SDC2: variants seen among roughly 807,000 people sequenced by gnomAD.
SDC2 encodes the protein syndecan-2.
In SDC2, 13 loss-of-function variants were observed where a neutral mutation model predicts 22.2. That is an observed-to-expected ratio of 0.59 (90% CI 0.38 to 0.93). The LOEUF (loss-of-function observed/expected upper bound fraction) is 0.93. Ranked by LOEUF, SDC2 falls within the 40% of genes least tolerant of loss-of-function variation. The probability of loss-of-function intolerance (pLI) is 0.00; values close to 1 mark genes in which losing one functional copy is unlikely to be tolerated. For synonymous variants in SDC2, 94 were observed against 92.8 expected, an observed-to-expected ratio of 1.01 and a Z score of -0.07; for missense variants, 235 against 246.8, an observed-to-expected ratio of 0.95 and a Z score of 0.32.
At position 96,509,669 on chromosome 8, in the gene SDC2, T is replaced by G. The variant is rs1202158645; in HGVS notation, c.60+15338T>G. On this transcript the variant is annotated intron_variant, in intron 1 of 4. Transcript: ENST00000302190. ...TTGGGGTCCAGCTCCCTGTGAAAGC[T>G]TATTCTCACTTCCAGAAGGCTTGAG... is the stretch of plus-strand genomic sequence containing the variant. 2.1e-5 allele frequency among the ~76,000 whole-genome samples: 2 copies of G among 96,162 alleles called. 1 individual carries two copies. Among genetic ancestry groups the G allele is most frequent in the Non-Finnish European group, 5.6e-5 (2 of 35,898 alleles). The allele number at this position is 96,162 out of a possible 152,430, so 63.1% of individuals were successfully genotyped here.
At chr8:96,573,262 A>T (rs1020349138) in intron 1 of SDC2, among the ~76,000 whole-genome samples, 1 of 9,782 alleles carries the variant, frequency 1.0e-4, no homozygotes, top group African/African-American at 3.2e-4. Context: ...CAGGTGTCTG[A>T]CTTCAGGATG....
At chr8:96,591,501 C>G (rs564557635) in intron 1 of SDC2, among the ~76,000 whole-genome samples, 31 of 152,182 alleles carry the variant, frequency 2.0e-4, no homozygotes, top group African/African-American at 7.2e-4. Context: ...TTGAGAGGGA[C>G]AGAGAACACA....
At chr8:96,576,665 C>A (rs975356293) in intron 1 of SDC2, among the ~76,000 whole-genome samples, 1 of 149,972 alleles carries the variant, frequency 6.7e-6, no homozygotes, top group South Asian at 2.1e-4. Context: ...GTGATCCGCC[C>A]GCCTCGGCCT....
At chr8:96,571,661 A>AC (rs1814397043) in intron 1 of SDC2, among the ~76,000 whole-genome samples, 1 of 151,878 alleles carries the variant, frequency 6.6e-6, no homozygotes, top group Admixed American at 6.6e-5. Context: ...TAAAGACAGC[A>AC]CCCCCTCTTG....
rs111624805 is a variant in SDC2 at position 96,581,263 on chromosome 8, A to G, written c.61-12217A>G. ...CTTAAGTAGTATTTTTTAATTAAGCATGTAATTTTATCATTTTGCAAATTC... is the reference window on the plus strand; with the variant it reads ...CTTAAGTAGTATTTTTTAATTAAGCGTGTAATTTTATCATTTTGCAAATTC... On this transcript the variant is annotated intron_variant, in intron 1 of 4. Transcript: ENST00000302190. 2.0e-5 allele frequency among the ~76,000 whole-genome samples: 3 copies of G among 152,204 alleles called. No homozygotes were observed. In the South Asian group the frequency reaches 6.2e-4, roughly 31 times the overall value.
At chr8:96,598,437 GCGAAACCCCATCTCTAATAAAA>G (rs1814918630) in intron 2 of SDC2, among the ~76,000 whole-genome samples, 2 of 152,000 alleles carry the variant, frequency 1.3e-5, no homozygotes, top group South Asian at 4.1e-4. Flanking sequence ...GCCTGACATG[GCGAAACCCCATCTCTAATAAAA>G]ATACAAAAAT....
intron 1 of SDC2, among the ~76,000 whole-genome samples, chr8:96,562,031 A>G (rs538634852): frequency 6.6e-6 from 1 of 152,118 alleles, no homozygotes; most frequent in South Asian, 2.1e-4. Flanking sequence ...TCTCCTGTGG[A>G]TCATGTGTTT....
intron 1 of SDC2, among the ~76,000 whole-genome samples, chr8:96,534,662 C>G (rs969150528): frequency 2.0e-5 from 3 of 151,934 alleles, no homozygotes; most frequent in Non-Finnish European, 4.4e-5. Context: ...ATCTCAAACT[C>G]CTGGACTCAG....
At chr8:96,520,224 G>A (rs1418657748) in intron 1 of SDC2, among the ~76,000 whole-genome samples, 1 of 152,184 alleles carries the variant, frequency 6.6e-6, no homozygotes. Context: ...ACTAAAGCTA[G>A]GGTGTTAGTC....
intron 1 of SDC2, among the ~76,000 whole-genome samples, chr8:96,588,270 T>C (rs968858351): frequency 2.0e-5 from 3 of 152,194 alleles, no homozygotes; most frequent in African/African-American, 7.2e-5. Context: ...GTGACTATAG[T>C]GTCCAGTCAA....
At chr8:96,543,018 G>C (rs535742064) in intron 1 of SDC2, among the ~76,000 whole-genome samples, 54 of 152,302 alleles carry the variant, frequency 3.5e-4, no homozygotes, top group African/African-American at 1.2e-3. Flanking sequence ...TGGAGATTCA[G>C]AAGATAAGGA....
chr8:96,518,524 C>T (rs1813444781), intron 1 of SDC2, among the ~76,000 whole-genome samples: 1 of 152,040 alleles, frequency 6.6e-6, no homozygotes, highest in East Asian at 1.9e-4. Context: ...CCAGGCCCGG[C>T]TAATTTTTGT....
chr8:96,602,133 G>A (rs1362622602), intron 2 of SDC2, among the ~76,000 whole-genome samples: 1 of 152,160 alleles, frequency 6.6e-6, no homozygotes. Context: ...GGGAGAAAAG[G>A]AACATGCAAG....
intron 1 of SDC2, among the ~76,000 whole-genome samples, chr8:96,500,955 A>G (rs867379706): frequency 4.6e-5 from 7 of 152,226 alleles, no homozygotes; most frequent in Non-Finnish European, 8.8e-5. Context: ...ACATCAGCAG[A>G]GTGAAGCCAA....
At position 96,508,573 on chromosome 8, in the gene SDC2, A is replaced by G. The variant is rs1037414885; in HGVS notation, c.60+14242A>G. Reference sequence around the variant, plus strand: ...ATTTGAGTCAAGCTTTTTCAGAAAAATAAGTCTGTGAGATATTTTTAAGGA... The same window carrying G: ...ATTTGAGTCAAGCTTTTTCAGAAAAGTAAGTCTGTGAGATATTTTTAAGGA... On this transcript the variant is annotated intron_variant, in intron 1 of 4. Coordinates refer to ENST00000302190, the MANE Select transcript of SDC2 (RefSeq NM_002998.4). Among the ~76,000 whole-genome samples the G allele has an allele frequency of 5.7e-5, 8 of 141,448 alleles. 1 individual carries two copies. The highest frequency in any genetic ancestry group is 1.8e-4 in the African/African-American group (7 of 39,676). 92.8% of individuals were successfully genotyped at this position (141,448 alleles called of 152,430 possible). A position where few individuals can be genotyped will look rare whatever the true frequency, so the allele number is the denominator to read the frequency against.
chr8:96,545,664 G>A (rs1403853570), intron 1 of SDC2, among the ~76,000 whole-genome samples: 1 of 152,208 alleles, frequency 6.6e-6, no homozygotes, highest in East Asian at 1.9e-4. Flanking sequence ...TACATTAGAA[G>A]TGTACCATGG....
rs1360180675 is a variant in SDC2, at chr8:96,576,376, TTTG to T, written c.61-17101_61-17099del. On this transcript the variant is annotated intron_variant, in intron 1 of 4. Transcript: ENST00000302190. ...TCAATAATTGGTAGTTTGTTTTTGT[TTTG>T]TTTTGTTTTTTTTTACCAGATTTGC... Among the ~76,000 whole-genome samples, 130 of 66,006 alleles carry T rather than the reference TTTG, an allele frequency of 2.0e-3. 9 individuals are homozygous for T. The highest frequency in any genetic ancestry group is 7.2e-3 in the African/African-American group (127 of 17,576). 43.3% of individuals were successfully genotyped at this position (66,006 alleles called of 152,430 possible). A position where few individuals can be genotyped will look rare whatever the true frequency, so the allele number is the denominator to read the frequency against.
intron 1 of SDC2, among the ~76,000 whole-genome samples, chr8:96,549,683 A>G (rs191154454): frequency 2.0e-5 from 3 of 152,322 alleles, no homozygotes; most frequent in African/African-American, 7.2e-5. Flanking sequence ...TCTTCATATC[A>G]GTTTCTCTTC....
At chr8:96,596,988 G>A (rs1814888550) in intron 2 of SDC2, among the ~76,000 whole-genome samples, 1 of 152,126 alleles carries the variant, frequency 6.6e-6, no homozygotes. Context: ...TGATTGGCTG[G>A]AAGTCTGTTT....
Sources: gnomAD v4.1 joint callset for allele counts (sites outside exome capture counted in the v4.1 genomes callset) on GRCh38, gnomAD v4.1.1 for gene constraint, MANE v1.5 for transcripts, NCBI Gene and HGNC (gene_info 2026-07-23, HGNC 2026-07-21) for gene names.